GNA14: variants seen among roughly 807,000 people sequenced by gnomAD.
GNA14 encodes the protein G protein subunit alpha 14, also known as guanine nucleotide-binding protein subunit alpha-14.
GNA14 carries 50 observed loss-of-function variants against 42.0 expected under a neutral mutation model. The observed-to-expected ratio is 1.19, with a 90% CI of 0.95 to 1.51. GNA14 has a LOEUF of 1.51. Ranked by LOEUF, GNA14 falls within the 40% of genes most tolerant of loss-of-function variation. The probability of loss-of-function intolerance (pLI) is 0.00; values close to 1 mark genes in which losing one functional copy is unlikely to be tolerated. For missense variants in GNA14, 473 were observed against 446.2 expected, an observed-to-expected ratio of 1.06 and a Z score of -0.54; for synonymous variants, 173 against 163.1, an observed-to-expected ratio of 1.06 and a Z score of -0.46.
chr9:77,572,150 G>C (rs183048484), intron 1 of GNA14, among the ~76,000 whole-genome samples: 157 of 152,278 alleles, frequency 1.0e-3, no homozygotes, highest in East Asian at 7.3e-3. Context: ...CAAATTACAA[G>C]TTTGTCTTTA....
intron 1 of GNA14, among the ~76,000 whole-genome samples, chr9:77,624,490 CG>C (rs1267375723): frequency 6.6e-6 from 1 of 152,150 alleles, no homozygotes; most frequent in Non-Finnish European, 1.5e-5. Flanking sequence ...CACCTCCCAG[CG>C]GGGGTCGACA....
intron 2 of GNA14, among the ~76,000 whole-genome samples, chr9:77,522,012 T>TA (rs1837365336): frequency 6.6e-6 from 1 of 152,128 alleles, no homozygotes; most frequent in Admixed American, 6.5e-5. Context: ...TTTATATATA[T>TA]TTTTAATAGA....
intron 1 of GNA14, among the ~76,000 whole-genome samples, chr9:77,538,193 C>T (rs940968214): frequency 2.0e-5 from 3 of 151,938 alleles, no homozygotes; most frequent in Admixed American, 6.6e-5. Context: ...GTCTCAGTCT[C>T]CCAAGTAGCT....
intron 1 of GNA14, among the ~76,000 whole-genome samples, chr9:77,644,853 C>T (rs1329611250): frequency 1.3e-5 from 2 of 152,170 alleles, no homozygotes; most frequent in Non-Finnish European, 2.9e-5. Flanking sequence ...AGCTATTGTC[C>T]TGACACTTTC....
intron 2 of GNA14, among the ~76,000 whole-genome samples, chr9:77,511,138 A>G (rs1837160690): frequency 6.6e-6 from 1 of 151,936 alleles, no homozygotes; most frequent in Non-Finnish European, 1.5e-5. Context: ...CCATCATCTT[A>G]TGAAATCCCA....
intron 2 of GNA14, among the ~76,000 whole-genome samples, chr9:77,524,291 C>T (rs921693367): frequency 6.6e-6 from 1 of 152,128 alleles, no homozygotes; most frequent in Non-Finnish European, 1.5e-5. Flanking sequence ...CGATAAATTT[C>T]CTTTAATAAG....
At chr9:77,569,879 G>A (rs1402529681) in intron 1 of GNA14, among the ~76,000 whole-genome samples, 3 of 151,570 alleles carry the variant, frequency 2.0e-5, no homozygotes, top group Non-Finnish European at 4.4e-5. Flanking sequence ...CAATTCTCCT[G>A]CCTCAGCCTC....
At chr9:77,562,737 T>C (rs1025473951) in intron 1 of GNA14, among the ~76,000 whole-genome samples, 4 of 152,366 alleles carry the variant, frequency 2.6e-5, no homozygotes, top group African/African-American at 9.6e-5. Context: ...ACCTAAAAGT[T>C]TGAACATGTA....
chr9:77,426,303 C>CT (rs569467315), intron 5 of GNA14, among the ~76,000 whole-genome samples: 21,407 of 145,314 alleles, frequency 0.15, 1,795 homozygotes, highest in African/African-American at 0.23. Flanking sequence ...TTGTTCAGAA[C>CT]TTTTTTTTTT....
intron 2 of GNA14, among the ~76,000 whole-genome samples, chr9:77,513,572 G>A (rs905628522): frequency 3.3e-4 from 50 of 152,340 alleles, no homozygotes; most frequent in African/African-American, 1.2e-3. Flanking sequence ...CAACTGTGAT[G>A]GGTCTATGAC....
rs369737915 is a variant in GNA14, at chr9:77,477,421, C to T, written c.310-42899G>A. Among the ~76,000 whole-genome samples the T allele has an allele frequency of 2.4e-4, 37 of 152,280 alleles. No homozygotes were observed. The South Asian group carries it at 7.7e-3, about 32-fold the overall frequency. On this transcript the variant is annotated intron_variant, in intron 2 of 6. Coordinates refer to ENST00000341700, the MANE Select transcript of GNA14 (RefSeq NM_004297.4). ...TCCATGTACTGAATCCTGAGCCCTC[C>T]AGCCCCATTCCCCTGCTGAGAATAT... is the stretch of plus-strand genomic sequence containing the variant.
Position 77,450,812 on chromosome 9 carries a change from A to T in GNA14, c.310-16290T>A, listed in dbSNP as rs578260623. 3.9e-5 allele frequency among the ~76,000 whole-genome samples: 6 copies of T among 152,108 alleles called. No homozygotes were observed. In the South Asian group the frequency reaches 1.2e-3, roughly 32 times the overall value. On this transcript the variant is annotated intron_variant, in intron 2 of 6. Transcript: ENST00000341700. Reference sequence around the variant, plus strand: ...GGAGGGAACTGATGGGAAGTAATTGAATCATGGGGGTGGGTTTTTCCCGTG... The same window carrying T: ...GGAGGGAACTGATGGGAAGTAATTGTATCATGGGGGTGGGTTTTTCCCGTG...
intron 2 of GNA14, among the ~76,000 whole-genome samples, chr9:77,453,000 G>C (rs1026115872): frequency 6.6e-6 from 1 of 151,926 alleles, no homozygotes; most frequent in African/African-American, 2.4e-5. Context: ...GTAACCAGCC[G>C]GGTGGTGTGT....
At chr9:77,644,041 A>G (rs1232721186) in intron 1 of GNA14, among the ~76,000 whole-genome samples, 4 of 152,182 alleles carry the variant, frequency 2.6e-5, no homozygotes, top group Non-Finnish European at 5.9e-5. Context: ...TCCTCCCGCC[A>G]AAGTTTTTAT....
chr9:77,608,440 G>T (rs903643368), intron 1 of GNA14, among the ~76,000 whole-genome samples: 1 of 152,152 alleles, frequency 6.6e-6, no homozygotes, highest in African/African-American at 2.4e-5. Context: ...GTTCTTCCCT[G>T]TGAGAGCCCA....
intron 1 of GNA14, among the ~76,000 whole-genome samples, chr9:77,595,910 T>C (rs1823459232): frequency 6.6e-6 from 1 of 151,588 alleles, no homozygotes; most frequent in Non-Finnish European, 1.5e-5. Flanking sequence ...AAGATATGAG[T>C]CCTTTGGAAG....
At chr9:77,441,949 A>G (rs565988476) in intron 2 of GNA14, among the ~76,000 whole-genome samples, 1 of 152,348 alleles carries the variant, frequency 6.6e-6, no homozygotes, top group Non-Finnish European at 1.5e-5. Flanking sequence ...AGTTTTTCCT[A>G]TAGAAAATAA....
intron 1 of GNA14, among the ~76,000 whole-genome samples, chr9:77,613,722 TAA>T (rs1377087284): frequency 2.6e-5 from 4 of 152,196 alleles, no homozygotes; most frequent in Non-Finnish European, 4.4e-5. Context: ...AAGTGGTTTT[TAA>T]AAAGACTCAT....
At chr9:77,624,876 A>G (rs1042970080) in intron 1 of GNA14, among the ~76,000 whole-genome samples, 5 of 152,154 alleles carry the variant, frequency 3.3e-5, no homozygotes, top group African/African-American at 9.7e-5. Flanking sequence ...CCTTGCCAGC[A>G]AGGGAACAAA....
Sources: allele counts gnomAD v4.1 joint callset (sites outside exome capture counted in the v4.1 genomes callset), GRCh38; gene constraint gnomAD v4.1.1; transcripts MANE v1.5; gene names NCBI Gene and HGNC (gene_info 2026-07-23, HGNC 2026-07-21).